Variants in P4HA3 observed in about 807,000 individuals in gnomAD.
P4HA3 encodes prolyl 4-hydroxylase subunit alpha-3.
Under a neutral mutation model 66.7 loss-of-function variants are expected in P4HA3, and 60 were observed. The ratio of observed to expected loss-of-function variants is 0.90; its 90% CI spans 0.73 to 1.12. The LOEUF is 1.12. Ranked by LOEUF, P4HA3 falls within the 50% of genes most tolerant of loss-of-function variation. The pLI, the probability that P4HA3 is intolerant of heterozygous loss-of-function variation, is 0.00. For synonymous variants in P4HA3, 263 were observed against 274.6 expected, an observed-to-expected ratio of 0.96 and a Z score of 0.42; for missense variants, 683 against 685.8, an observed-to-expected ratio of 1.00 and a Z score of 0.05.
chr11:74,271,108 T>C (rs1214584131), intron 10 of P4HA3, among the ~76,000 whole-genome samples: 1 of 152,168 alleles, frequency 6.6e-6, no homozygotes, highest in Non-Finnish European at 1.5e-5. Context: ...TCCCGGTACA[T>C]TTACTTGTGT....
intron 8 of P4HA3, among the ~76,000 whole-genome samples, chr11:74,277,788 G>A (rs1293188246): frequency 6.6e-6 from 1 of 152,196 alleles, no homozygotes; most frequent in African/African-American, 2.4e-5. Context: ...TGGCAACTTT[G>A]GAATCAGAAT....
Position 74,298,323 on chromosome 11 carries a change from T to C in P4HA3, c.606A>G (p.Pro202=), listed in dbSNP as rs1368842348. The change falls in exon 4 of 13, where the codon CCA becomes CCG. Residue 202 remains proline (P), a synonymous_variant. Transcript: ENST00000331597. ...YDMGDYYHAI[P]WLEEAVSLFR... The stretch of plus-strand genomic sequence containing the variant: ...AGAGACTGACAGCCTCCTCCAGCCA[T>C]GGAATGGCATGGTAATAATCCCCCA... The C allele has an allele frequency of 1.9e-5, 30 of 1,613,806 alleles. No individual in the cohort carries two copies. Among genetic ancestry groups the C allele is most frequent in the Non-Finnish European group, 2.2e-5 (26 of 1,179,938 alleles).
chr11:74,267,620 C>T (rs1860033765), intron 12 of P4HA3, among the ~76,000 whole-genome samples: 1 of 152,216 alleles, frequency 6.6e-6, no homozygotes, highest in African/African-American at 2.4e-5. Context: ...GCCCATGTTC[C>T]CCATGAAGCC....
At chr11:74,261,951 C>T (rs7107380), downstream of P4HA3, among the ~76,000 whole-genome samples, 1,758 of 152,294 alleles carry the variant, frequency 0.012, 32 homozygotes, top group African/African-American at 0.04. Flanking sequence ...GACACTGACA[C>T]ACAGCGTAAT....
In P4HA3 at chr11:74,311,608, C is replaced by G. The variant is rs1861756101; in HGVS notation, c.4G>C (p.Gly2Arg). ...AGCGCCGCCAGCCGCGCCCCAGGACCCATAGCCAGCGCTCGCGAACTTCCC... is the reference window on the plus strand; with the variant it reads ...AGCGCCGCCAGCCGCGCCCCAGGACGCATAGCCAGCGCTCGCGAACTTCCC... MGPGARLAALLA... is the reference protein window; with the variant it reads MRPGARLAALLA... Residue 2 changes from glycine (G) to arginine (R), a missense_variant, in exon 1 of 13, where the codon GGT (glycine) becomes CGT (arginine). Coordinates refer to ENST00000331597, the MANE Select transcript of P4HA3 (RefSeq NM_182904.5). 1 of 1,504,676 alleles carries G rather than the reference C, an allele frequency of 6.6e-7. No individual in the cohort carries two copies. Among genetic ancestry groups the G allele is most frequent in the African/African-American group, 1.5e-5 (1 of 68,930 alleles). 93.2% of individuals were successfully genotyped at this position (1,504,676 alleles called of 1,614,324 possible). A position where few individuals can be genotyped will look rare whatever the true frequency, so the allele number is the denominator to read the frequency against.
chr11:74,289,036 T>C, intron 5 of P4HA3, 43 bp downstream of exon 5: 1 of 1,419,920 alleles, frequency 7.0e-7, no homozygotes. Context: ...GAGTTCCCCG[T>C]AAATCAGACC....
rs1405725182 is a variant in P4HA3 at position 74,311,598 on chromosome 11, G to A, written c.14C>T (p.Ala5Val). The A allele has an allele frequency of 2.6e-5, 40 of 1,526,156 alleles. No homozygotes were observed. Among genetic ancestry groups the A allele is most frequent in the Non-Finnish European group, 3.2e-5 (37 of 1,148,382 alleles). The allele number at this position is 1,526,156 out of a possible 1,614,324, so 94.5% of individuals were successfully genotyped here. The change falls in exon 1 of 13, where the codon GCG becomes GTG. Residue 5 changes from alanine to valine, a missense_variant. Coordinates refer to ENST00000331597, the MANE Select transcript of P4HA3 (RefSeq NM_182904.5). ...CACCGCCAGCAGCGCCGCCAGCCGCGCCCCAGGACCCATAGCCAGCGCTCG... is the reference window on the plus strand; with the variant it reads ...CACCGCCAGCAGCGCCGCCAGCCGCACCCCAGGACCCATAGCCAGCGCTCG... MGPG[A>V]RLAALLAVLA...
intron 1 of P4HA3, among the ~76,000 whole-genome samples, chr11:74,310,848 T>C (rs1401051009): frequency 2.6e-5 from 4 of 152,198 alleles, no homozygotes; most frequent in Non-Finnish European, 5.9e-5. Flanking sequence ...CTCCTAACAC[T>C]AAACATCAGC....
Position 74,304,307 on chromosome 11 carries a change from A to G in P4HA3, c.306T>C (p.Asn102=). The change falls in exon 2 of 13, where the codon AAT becomes AAC. Residue 102 remains asparagine (N), a synonymous_variant. Coordinates refer to ENST00000331597, the MANE Select transcript of P4HA3 (RefSeq NM_182904.5). ...CACTGGCCTCCAGACTATGTACCAC[A>G]TTCCTCCAGTCAGACTGCAGGCGTT... ...LIKRLQSDWR[N]VVHSLEASEN... 6.2e-7 allele frequency: 1 copy of G among 1,614,046 alleles called. No homozygotes were observed. The highest frequency in any genetic ancestry group is 8.5e-7 in the Non-Finnish European group (1 of 1,179,978).
intron 9 of P4HA3, 37 bp from the exon 10 acceptor site, chr11:74,273,644 A>G: frequency 6.7e-7 from 1 of 1,487,600 alleles, no homozygotes; most frequent in Non-Finnish European, 9.0e-7. Flanking sequence ...TATTTTATGC[A>G]GATGGCACCA....
chr11:74,273,101 CT>C (rs1860262463), intron 10 of P4HA3, among the ~76,000 whole-genome samples: 1 of 152,150 alleles, frequency 6.6e-6, no homozygotes, highest in Non-Finnish European at 1.5e-5. Flanking sequence ...TGTCTCTGTT[CT>C]TCCCTCTTGT....
At chr11:74,304,480 G>A (rs895872324) in intron 1 of P4HA3, 68 bp from the exon 2 acceptor site, 1 of 1,557,026 alleles carries the variant, frequency 6.4e-7, no homozygotes, top group African/African-American at 1.4e-5. Flanking sequence ...GGCTGGCATG[G>A]TGTGTGTACA....
chr11:74,258,803 G>C (rs769324723), intron 15 of P4HA3, among the ~76,000 whole-genome samples: 6 of 152,172 alleles, frequency 3.9e-5, no homozygotes, highest in Admixed American at 1.3e-4. Context: ...ATCCCAAAAT[G>C]GGGGGATAAT....
chr11:74,271,331 G>C (rs1472042151), intron 10 of P4HA3, among the ~76,000 whole-genome samples: 1 of 152,236 alleles, frequency 6.6e-6, no homozygotes, highest in East Asian at 1.9e-4. Context: ...GTCAGTAAGG[G>C]GCAACCTGGA....
In P4HA3 at chr11:74,311,597, C is replaced by G. The variant is rs1415569389; in HGVS notation, c.15G>C (p.Ala5=). The G allele has an allele frequency of 2.6e-6, 4 of 1,526,352 alleles. No homozygotes were observed. Among genetic ancestry groups the G allele is most frequent in the Non-Finnish European group, 2.6e-6 (3 of 1,148,428 alleles). 94.6% of individuals were successfully genotyped at this position (1,526,352 alleles called of 1,614,324 possible). The change falls in exon 1 of 13, where the codon GCG becomes GCC. Residue 5 remains alanine, a synonymous_variant. Coordinates refer to ENST00000331597, the MANE Select transcript of P4HA3 (RefSeq NM_182904.5). ...GCACCGCCAGCAGCGCCGCCAGCCG[C>G]GCCCCAGGACCCATAGCCAGCGCTC... The part of the protein sequence containing the change: MGPG[A]RLAALLAVLA...
chr11:74,250,808 C>T (rs1859637575), intron 15 of P4HA3: 2 of 651,666 alleles, frequency 3.1e-6, no homozygotes, highest in Admixed American at 2.6e-5. Flanking sequence ...TTACCATCCT[C>T]AGCAAGACTT....
intron 14 of P4HA3, among the ~76,000 whole-genome samples, chr11:74,261,103 G>T (rs1016624485): frequency 6.6e-6 from 1 of 152,186 alleles, no homozygotes; most frequent in Non-Finnish European, 1.5e-5. Flanking sequence ...TGTCCAAGAA[G>T]AATGAGGATA....
At chr11:74,273,923 A>G (rs551976263) in intron 9 of P4HA3, among the ~76,000 whole-genome samples, 3 of 152,330 alleles carry the variant, frequency 2.0e-5, no homozygotes, top group South Asian at 4.1e-4. Context: ...ATTAATATAT[A>G]AAATATTACA....
intron 11 of P4HA3, among the ~76,000 whole-genome samples, chr11:74,268,618 A>G (rs1860079075): frequency 6.6e-6 from 1 of 152,236 alleles, no homozygotes; most frequent in Non-Finnish European, 1.5e-5. Context: ...ACAAGGTGGA[A>G]CAAAATATTC....
Sources: allele counts gnomAD v4.1 joint callset (sites outside exome capture counted in the v4.1 genomes callset), GRCh38; gene constraint gnomAD v4.1.1; transcripts MANE v1.5; gene names NCBI Gene and HGNC (gene_info 2026-07-23, HGNC 2026-07-21).